CEP89: variants seen among roughly 807,000 people sequenced by gnomAD.
The protein encoded by CEP89 is centrosomal protein 89.
A neutral mutation model predicts 97.6 loss-of-function variants in CEP89; 95 were observed. The ratio of observed to expected loss-of-function variants is 0.97; its 90% CI spans 0.82 to 1.15. CEP89 has a LOEUF of 1.15. Ranked by LOEUF, CEP89 falls within the 50% of genes most tolerant of loss-of-function variation. The probability of loss-of-function intolerance (pLI) is 0.00; values close to 1 mark genes in which losing one functional copy is unlikely to be tolerated. For missense variants in CEP89, 869 were observed against 947.7 expected, an observed-to-expected ratio of 0.92 and a Z score of 1.09; for synonymous variants, 354 against 349.1, an observed-to-expected ratio of 1.01 and a Z score of -0.16.
intron 14 of CEP89, among the ~76,000 whole-genome samples, chr19:32,901,711 T>C (rs2145889142): frequency 6.6e-6 from 1 of 152,022 alleles, no homozygotes; most frequent in South Asian, 2.1e-4. Flanking sequence ...CACTGCAGCT[T>C]CGAACTTCTG....
Position 32,926,345 on chromosome 19 carries a change from C to A in CEP89, c.1081-72G>T. On this transcript the variant is annotated intron_variant, in intron 10 of 18. Transcript: ENST00000305768. ...ACACAACCAGAAAATTTTTAAATGGCAAGAAGTTATACTTTTTTGAAATGG... is the reference window on the plus strand; with the variant it reads ...ACACAACCAGAAAATTTTTAAATGGAAAGAAGTTATACTTTTTTGAAATGG... The A allele has an allele frequency of 2.8e-6, 3 of 1,062,936 alleles. 1 individual carries two copies. The highest frequency in any genetic ancestry group is 2.7e-5 in the South Asian group (2 of 74,450). 65.8% of individuals were successfully genotyped at this position (1,062,936 alleles called of 1,614,324 possible). A position where few individuals can be genotyped will look rare whatever the true frequency, so the allele number is the denominator to read the frequency against.
At chr19:32,892,451 G>A (rs1299427906) in intron 16 of CEP89, among the ~76,000 whole-genome samples, 1 of 151,252 alleles carries the variant, frequency 6.6e-6, no homozygotes, top group Non-Finnish European at 1.5e-5. Context: ...TTACAGGCAT[G>A]TGCACCACCA....
intron 16 of CEP89, among the ~76,000 whole-genome samples, chr19:32,888,454 C>T (rs765551592): frequency 1.8e-4 from 27 of 151,998 alleles, no homozygotes; most frequent in Non-Finnish European, 2.1e-4. Context: ...TTTGATTTTC[C>T]AGAAGGAAAG....
At position 32,939,870 on chromosome 19, in the gene CEP89, A is replaced by G. The variant is rs201500947; in HGVS notation, c.611T>C (p.Val204Ala). 1.6e-6 allele frequency: 2 copies of G among 1,272,228 alleles called. No individual in the cohort carries two copies. The highest frequency in any genetic ancestry group is 2.0e-5 in the Admixed American group (1 of 50,298). 78.8% of individuals were successfully genotyped at this position (1,272,228 alleles called of 1,614,324 possible). A position where few individuals can be genotyped will look rare whatever the true frequency, so the allele number is the denominator to read the frequency against. Reference protein sequence around the residue: ...RTQQKDGKHPVLNLKDEKPPL... With the variant: ...RTQQKDGKHPALNLKDEKPPL... ...AAATGATCTTACCTTTAAATTCAGA[A>G]CAGGGTGTTTACCATCTGATGAAGA... The change falls in exon 6 of 19, where the codon GTT becomes GCT. Residue 204 changes from valine to alanine, a missense_variant. Physicochemically the swap from Val to Ala is moderately conservative, Grantham distance 64 (BLOSUM62 0). Coordinates refer to ENST00000305768, the MANE Select transcript of CEP89 (RefSeq NM_032816.5).
intron 5 of CEP89, among the ~76,000 whole-genome samples, chr19:32,940,230 G>A (rs1033772703): frequency 2.1e-5 from 3 of 143,984 alleles, no homozygotes; most frequent in Non-Finnish European, 3.0e-5. Flanking sequence ...TTCCCATGCC[G>A]GGCTCCTCCT....
chr19:32,887,810 A>G lies in CEP89; in HGVS notation c.1907T>C (p.Val636Ala). ...AKCLESEKDGVLNKVIKSNIR... is the reference protein window; with the variant it reads ...AKCLESEKDGALNKVIKSNIR... ...GTTGCTTTTTATGACTTTATTAAGC[A>G]CTCCATCCTTCTCACTTTCTAAACA... The change falls in exon 17 of 19, where the codon GTG (valine) becomes GCG (alanine). Residue 636 changes from valine to alanine, a missense_variant. By Grantham distance (64) the Val-to-Ala change is moderately conservative (BLOSUM62 0). Transcript: ENST00000305768. 6.2e-7 allele frequency: 1 copy of G among 1,613,082 alleles called. No homozygotes were observed. Among genetic ancestry groups the G allele is most frequent in the Non-Finnish European group, 8.5e-7 (1 of 1,179,118 alleles).
chr19:32,918,100 A>C (rs1278395288), intron 13 of CEP89, 124 bp downstream of exon 13: 8 of 769,564 alleles, frequency 1.0e-5, no homozygotes, highest in Non-Finnish European at 1.8e-5. Context: ...GCCACATTCC[A>C]GTCAAAAATG....
At chr19:32,951,534 T>TACACACAC (rs60580377) in intron 4 of CEP89, among the ~76,000 whole-genome samples, 4,514 of 121,820 alleles carry the variant, frequency 0.037, 160 homozygotes, top group African/African-American at 0.072. Context: ...TATATATATA[T>TACACACAC]ACACACACAC....
chr19:32,883,420 G>A (rs1421996497), intron 17 of CEP89, among the ~76,000 whole-genome samples: 1 of 152,104 alleles, frequency 6.6e-6, no homozygotes, highest in African/African-American at 2.4e-5. Flanking sequence ...TTGGAAAGTT[G>A]AGGCGGGCAG....
rs1037495316 is a variant in CEP89, at chr19:32,926,493, G to A, written c.1081-220C>T. On this transcript the variant is annotated intron_variant, in intron 10 of 18. Transcript: ENST00000305768. Reference sequence around the variant, plus strand: ...GGATCTATATGGCCACTTAAATGAGGAACCCAGAGGCATGCAGGAGGCACA... The same window carrying A: ...GGATCTATATGGCCACTTAAATGAGAAACCCAGAGGCATGCAGGAGGCACA... Among the ~76,000 whole-genome samples the A allele has an allele frequency of 2.6e-5, 4 of 152,214 alleles. No individual in the cohort carries two copies. In the South Asian group the frequency reaches 8.3e-4, roughly 32 times the overall value.
intron 17 of CEP89, among the ~76,000 whole-genome samples, chr19:32,884,429 C>T (rs1032395598): frequency 2.0e-5 from 3 of 152,084 alleles, no homozygotes; most frequent in Admixed American, 6.6e-5. Context: ...AGCTAATTTA[C>T]ATTTACCTAT....
intron 14 of CEP89, among the ~76,000 whole-genome samples, chr19:32,908,971 G>T (rs1481724349): frequency 1.3e-5 from 2 of 152,184 alleles, no homozygotes; most frequent in Non-Finnish European, 2.9e-5. Flanking sequence ...CAAATAATGG[G>T]TATTTTGTCT....
At chr19:32,880,688 T>TA (rs1969263696) in intron 18 of CEP89, among the ~76,000 whole-genome samples, 1 of 150,398 alleles carries the variant, frequency 6.6e-6, no homozygotes, top group African/African-American at 2.4e-5. Flanking sequence ...TTTCTGAAGA[T>TA]ATTTGGTAAA....
intron 3 of CEP89, among the ~76,000 whole-genome samples, chr19:32,955,599 C>T (rs1382642737): frequency 1.3e-5 from 2 of 152,068 alleles, no homozygotes; most frequent in African/African-American, 2.4e-5. Flanking sequence ...CTGCCACCTC[C>T]GCTTCCCGCG....
chr19:32,927,232 A>G (rs989757178), intron 9 of CEP89, among the ~76,000 whole-genome samples: 4 of 152,152 alleles, frequency 2.6e-5, no homozygotes, highest in African/African-American at 9.7e-5. Flanking sequence ...ATATGTATAT[A>G]TGTATATATG....
At chr19:32,919,164 C>T (rs964579671) in intron 12 of CEP89, among the ~76,000 whole-genome samples, 1 of 152,140 alleles carries the variant, frequency 6.6e-6, no homozygotes, top group Non-Finnish European at 1.5e-5. Context: ...GGATTATAGG[C>T]ATGAGCCACC....
At chr19:32,912,399 TGA>T (rs1306566941) in intron 14 of CEP89, among the ~76,000 whole-genome samples, 2 of 152,110 alleles carry the variant, frequency 1.3e-5, no homozygotes, top group Non-Finnish European at 1.5e-5. Flanking sequence ...GTAATGTAGG[TGA>T]GCCTAATCTA....
intron 10 of CEP89, 48 bp from the exon 11 acceptor site, chr19:32,926,321 C>A: frequency 7.5e-7 from 1 of 1,340,692 alleles, no homozygotes; most frequent in Non-Finnish European, 1.1e-6. Context: ...TACATCTAAA[C>A]ACAACCAGAA....
chr19:32,944,220 T>TAAAAAAAAAAGAAAAAAAAAAA (rs1970747500), intron 5 of CEP89, among the ~76,000 whole-genome samples: 1 of 62,420 alleles, frequency 1.6e-5, no homozygotes, highest in African/African-American at 6.7e-5. Context: ...TGAGACCCTG[T>TAAAAAAAAAAGAAAAAAAAAAA]AAAAAAAAAA....
Sources: allele counts gnomAD v4.1 joint callset (sites outside exome capture counted in the v4.1 genomes callset), GRCh38; gene constraint gnomAD v4.1.1; transcripts MANE v1.5; gene names NCBI Gene and HGNC (gene_info 2026-07-23, HGNC 2026-07-21).